The following BAIAP2L1 variants were observed in gnomAD, a reference collection of about 807,000 sequenced individuals.
BAIAP2L1 encodes the protein BAR/IMD domain containing adaptor protein 2 like 1.
Under a neutral mutation model 66.3 loss-of-function variants are expected in BAIAP2L1, and 35 were observed. The ratio of observed to expected loss-of-function variants is 0.53; its 90% CI spans 0.40 to 0.70. BAIAP2L1 has a LOEUF of 0.70. Ranked by LOEUF, BAIAP2L1 falls within the 30% of genes least tolerant of loss-of-function variation. The pLI is 0.00. For synonymous variants in BAIAP2L1, 269 were observed against 248.7 expected, an observed-to-expected ratio of 1.08 and a Z score of -0.77; for missense variants, 622 against 656.9, an observed-to-expected ratio of 0.95 and a Z score of 0.58.
At chr7:98,371,389 C>A (rs1349352692) in intron 1 of BAIAP2L1, among the ~76,000 whole-genome samples, 1 of 152,088 alleles carries the variant, frequency 6.6e-6, no homozygotes, top group African/African-American at 2.4e-5. Flanking sequence ...TGCTGAGTCG[C>A]ATAAAAAGAA....
At chr7:98,312,618 C>T (rs1800913358) in intron 7 of BAIAP2L1, among the ~76,000 whole-genome samples, 1 of 152,198 alleles carries the variant, frequency 6.6e-6, no homozygotes, top group Admixed American at 6.5e-5. Flanking sequence ...AAACGCCAAC[C>T]ATCACTTTCT....
chr7:98,341,642 C>T (rs1017599472), intron 3 of BAIAP2L1, among the ~76,000 whole-genome samples: 3 of 152,176 alleles, frequency 2.0e-5, no homozygotes, highest in African/African-American at 2.4e-5. Flanking sequence ...TGACCAGATA[C>T]GCGACCTCAG....
chr7:98,355,018 T>G, intron 3 of BAIAP2L1, 24 bp downstream of exon 3: 1 of 1,578,574 alleles, frequency 6.3e-7, no homozygotes, highest in Non-Finnish European at 8.7e-7. Flanking sequence ...GTGGGGTTTA[T>G]GTATAAAGGG....
intron 1 of BAIAP2L1, among the ~76,000 whole-genome samples, chr7:98,383,588 T>C (rs1173760837): frequency 2.0e-4 from 30 of 151,958 alleles, no homozygotes; most frequent in Admixed American, 2.0e-3. Flanking sequence ...CGCCCGGCCA[T>C]AACTTTCAGT....
At chr7:98,362,335 C>G in intron 2 of BAIAP2L1, 22 bp downstream of exon 2, 1 of 1,554,686 alleles carries the variant, frequency 6.4e-7, no homozygotes, top group Non-Finnish European at 8.8e-7. Context: ...TATATATAAT[C>G]AATTCAGAAA....
At chr7:98,317,706 A>T (rs1288924133) in intron 5 of BAIAP2L1, among the ~76,000 whole-genome samples, 1 of 136,186 alleles carries the variant, frequency 7.3e-6, no homozygotes, top group Non-Finnish European at 1.6e-5. Flanking sequence ...GGCTGGGACC[A>T]TCACCCCGCA....
At chr7:98,337,141 C>T (rs1562978001) in intron 3 of BAIAP2L1, among the ~76,000 whole-genome samples, 1 of 152,060 alleles carries the variant, frequency 6.6e-6, no homozygotes, top group Non-Finnish European at 1.5e-5. Context: ...GGCGAGGTTA[C>T]GAGGCAGCGC....
chr7:98,395,071 A>G (rs770206997), intron 1 of BAIAP2L1, among the ~76,000 whole-genome samples: 6 of 152,110 alleles, frequency 3.9e-5, no homozygotes, highest in Non-Finnish European at 7.4e-5. Context: ...AGATCACACC[A>G]CTGCACTTGA....
chr7:98,374,436 C>T (rs926684704), intron 1 of BAIAP2L1, among the ~76,000 whole-genome samples: 10 of 152,150 alleles, frequency 6.6e-5, no homozygotes, highest in Admixed American at 5.9e-4. Context: ...CATTTTAAAA[C>T]CCTGCTGAAG....
chr7:98,332,882 C>T (rs1203581301), intron 3 of BAIAP2L1, among the ~76,000 whole-genome samples: 2 of 151,492 alleles, frequency 1.3e-5, no homozygotes, highest in African/African-American at 4.9e-5. Context: ...CCCATCTGCA[C>T]CCGGGGTTAA....
In BAIAP2L1 at chr7:98,320,249, A is replaced by G. The variant is rs1451962796; in HGVS notation, c.264T>C (p.Ser88=). 2 of 1,608,802 alleles carry G rather than the reference A, an allele frequency of 1.2e-6. No individual in the cohort carries two copies. The highest frequency in any genetic ancestry group is 4.5e-5 in the East Asian group (2 of 44,834). ...ISSTHKKLNE[S]LDENFKKFHK... ...ACAGATCACGTACATTTTCATCAAG[A>G]CTCTCGTTGAGTTTCTTGTGGGTAC... The change falls in exon 4 of 14, where the codon AGT becomes AGC. Residue 88 remains serine (S), a synonymous_variant. Coordinates refer to ENST00000005260, the MANE Select transcript of BAIAP2L1 (RefSeq NM_018842.5).
intron 7 of BAIAP2L1, among the ~76,000 whole-genome samples, chr7:98,314,789 C>A (rs184916096): frequency 3.9e-5 from 6 of 152,188 alleles, no homozygotes; most frequent in African/African-American, 1.4e-4. Context: ...GACCTGGGCC[C>A]GCTGGGACTC....
At chr7:98,383,175 A>C (rs1248384432) in intron 1 of BAIAP2L1, among the ~76,000 whole-genome samples, 1 of 143,494 alleles carries the variant, frequency 7.0e-6, no homozygotes, top group African/African-American at 2.5e-5. Flanking sequence ...AGTATCAAAA[A>C]AGAAACAAAC....
chr7:98,294,990 G>A (rs1247955099), intron 12 of BAIAP2L1, among the ~76,000 whole-genome samples: 1 of 152,202 alleles, frequency 6.6e-6, no homozygotes, highest in Non-Finnish European at 1.5e-5. Flanking sequence ...GTGGAGTCAG[G>A]CAGCCGCCCA....
intron 1 of BAIAP2L1, among the ~76,000 whole-genome samples, chr7:98,393,858 C>T (rs1290670673): frequency 6.7e-6 from 1 of 150,170 alleles, no homozygotes; most frequent in Non-Finnish European, 1.5e-5. Context: ...AATCCCAGCA[C>T]TTTGGGAGGC....
In BAIAP2L1 at chr7:98,292,307, T is replaced by C. The variant is rs907415182; in HGVS notation, c.*1214A>G. On this transcript the variant is annotated 3_prime_UTR_variant, in exon 14 of 14. Coordinates refer to ENST00000005260, the MANE Select transcript of BAIAP2L1 (RefSeq NM_018842.5). ...GCATGATCTGGCTCACTGCAACCTC[T>C]GCCTCCCGGGTTCAAGTGATTCTCC... 1.8e-5 allele frequency: 6 copies of C among 332,708 alleles called. No homozygotes were observed. The highest frequency in any genetic ancestry group is 1.3e-4 in the African/African-American group (6 of 46,684). The allele number at this position is 332,708 out of a possible 1,614,324, so 20.6% of individuals were successfully genotyped here.
chr7:98,304,927 G>C (rs979442869), intron 11 of BAIAP2L1, among the ~76,000 whole-genome samples: 1 of 149,184 alleles, frequency 6.7e-6, no homozygotes. Context: ...GTGCAGTGGC[G>C]CGATCTTGGC....
intron 7 of BAIAP2L1, among the ~76,000 whole-genome samples, chr7:98,314,181 C>T (rs541951101): frequency 1.6e-4 from 24 of 151,998 alleles, no homozygotes; most frequent in African/African-American, 5.8e-4. Context: ...CAGGGTTTCA[C>T]CATGTTGGCC....
intron 1 of BAIAP2L1, among the ~76,000 whole-genome samples, chr7:98,368,159 C>T (rs1296982069): frequency 6.6e-6 from 1 of 152,078 alleles, no homozygotes; most frequent in East Asian, 1.9e-4. Context: ...TGGCTCATGC[C>T]TGTAATCCCA....
Sources: allele counts gnomAD v4.1 joint callset (sites outside exome capture counted in the v4.1 genomes callset), GRCh38; gene constraint gnomAD v4.1.1; transcripts MANE v1.5; gene names NCBI Gene and HGNC (gene_info 2026-07-23, HGNC 2026-07-21).